The following NTM variants were observed in gnomAD, a reference collection of about 807,000 sequenced individuals.
NTM encodes the protein IgLON family member 2.
NTM carries 13 observed loss-of-function variants against 42.1 expected under a neutral mutation model. The ratio of observed to expected loss-of-function variants is 0.31; its 90% confidence interval spans 0.20 to 0.49. NTM has a LOEUF of 0.49. Among genes scored for constraint, NTM ranks in the 20% least tolerant of loss-of-function variants. The pLI is 0.99. For synonymous variants in NTM, 187 were observed against 179.2 expected, an observed-to-expected ratio of 1.04 and a Z score of -0.35; for missense variants, 373 against 452.8, an observed-to-expected ratio of 0.82 and a Z score of 1.60.
intron 4 of NTM, among the ~76,000 whole-genome samples, chr11:132,303,782 G>A (rs955271735): frequency 1.3e-5 from 2 of 151,526 alleles, no homozygotes; most frequent in African/African-American, 2.4e-5. Flanking sequence ...GAACTAGCAT[G>A]GCCTGGCAGG....
chr11:131,553,095 C>T (rs1296200892), intron 1 of NTM, among the ~76,000 whole-genome samples: 3 of 151,952 alleles, frequency 2.0e-5, no homozygotes, highest in Non-Finnish European at 2.9e-5. Flanking sequence ...AAGGAAAAAT[C>T]GAGGGCATGG....
At chr11:131,570,924 A>C (rs1487474671) in intron 1 of NTM, among the ~76,000 whole-genome samples, 1 of 152,214 alleles carries the variant, frequency 6.6e-6, no homozygotes, top group East Asian at 1.9e-4. Flanking sequence ...AGAATCATAC[A>C]CCCCTGGCTC....
chr11:131,489,120 G>T (rs1954497639), intron 1 of NTM, among the ~76,000 whole-genome samples: 1 of 152,096 alleles, frequency 6.6e-6, no homozygotes, highest in Non-Finnish European at 1.5e-5. Context: ...CTCTCCCCTT[G>T]GTTCCAAACA....
intron 1 of NTM, among the ~76,000 whole-genome samples, chr11:131,638,966 C>A (rs73592212): frequency 0.014 from 2,198 of 152,186 alleles, 40 homozygotes; most frequent in African/African-American, 0.05. Flanking sequence ...TATAAATAAA[C>A]CAATTCAATC....
intron 1 of NTM, among the ~76,000 whole-genome samples, chr11:131,571,147 G>T (rs1313053828): frequency 6.6e-6 from 1 of 152,232 alleles, no homozygotes; most frequent in Non-Finnish European, 1.5e-5. Flanking sequence ...TGGCATTGCT[G>T]TGAGAAGTGC....
intron 2 of NTM, among the ~76,000 whole-genome samples, chr11:131,914,910 G>A (rs1274254068): frequency 6.6e-6 from 1 of 152,156 alleles, no homozygotes; most frequent in Non-Finnish European, 1.5e-5. Context: ...ACAGCCCTAT[G>A]GTGTAGGAGT....
intron 4 of NTM, among the ~76,000 whole-genome samples, chr11:132,217,358 CTGTGTGTGTGTGTGTG>C (rs375759515): frequency 1.4e-5 from 2 of 142,640 alleles, no homozygotes; most frequent in African/African-American, 5.2e-5. Flanking sequence ...CTCTCTCTTT[CTGTGTGTGTGTGTGTG>C]TGTGTGTGTG....
intron 1 of NTM, among the ~76,000 whole-genome samples, chr11:131,580,867 G>A (rs1016861716): frequency 3.9e-5 from 6 of 152,248 alleles, no homozygotes; most frequent in East Asian, 3.9e-4. Context: ...TGTCATGCAC[G>A]GATCCCAGGA....
At chr11:131,589,115 G>A (rs1237474960) in intron 1 of NTM, among the ~76,000 whole-genome samples, 1 of 151,746 alleles carries the variant, frequency 6.6e-6, no homozygotes, top group African/African-American at 2.4e-5. Flanking sequence ...GTATTTAAGT[G>A]AGATTAACAC....
chr11:132,163,989 G>A (rs1328421321), intron 3 of NTM, among the ~76,000 whole-genome samples: 1 of 152,150 alleles, frequency 6.6e-6, no homozygotes, highest in African/African-American at 2.4e-5. Context: ...AAACTGAAGA[G>A]GTTAGCTGGC....
At chr11:131,462,825 G>A (rs1951520835) in intron 1 of NTM, among the ~76,000 whole-genome samples, 1 of 151,716 alleles carries the variant, frequency 6.6e-6, no homozygotes, top group Non-Finnish European at 1.5e-5. Flanking sequence ...CCCACCTAGG[G>A]TGGTCCACCA....
intron 1 of NTM, among the ~76,000 whole-genome samples, chr11:131,663,826 G>T (rs2134510557): frequency 6.6e-6 from 1 of 152,222 alleles, no homozygotes; most frequent in East Asian, 1.9e-4. Context: ...TATTTTCAAA[G>T]TAATTCTATG....
intron 1 of NTM, among the ~76,000 whole-genome samples, chr11:131,504,117 C>T (rs968746982): frequency 1.3e-5 from 2 of 152,160 alleles, no homozygotes; most frequent in African/African-American, 4.8e-5. Flanking sequence ...TTCCTCCAGG[C>T]CCCTGCTTCT....
chr11:131,940,306 A>G (rs1405885978), intron 2 of NTM, among the ~76,000 whole-genome samples: 1 of 152,316 alleles, frequency 6.6e-6, no homozygotes, highest in African/African-American at 2.4e-5. Flanking sequence ...TGGAATCACC[A>G]CAAAATATTA....
chr11:132,243,453 T>C (rs982022312), intron 4 of NTM, among the ~76,000 whole-genome samples: 3 of 152,188 alleles, frequency 2.0e-5, no homozygotes, highest in Non-Finnish European at 2.9e-5. Context: ...ACTCTTGCTC[T>C]GAATAATTCT....
chr11:132,126,059 C>T (rs1250009493), intron 2 of NTM, among the ~76,000 whole-genome samples: 1 of 152,042 alleles, frequency 6.6e-6, no homozygotes, highest in African/African-American at 2.4e-5. Flanking sequence ...CCAGGCGCCC[C>T]TGCGCGATGT....
chr11:131,776,309 G>A (rs1313966874), intron 1 of NTM, among the ~76,000 whole-genome samples: 1 of 152,140 alleles, frequency 6.6e-6, no homozygotes, highest in Admixed American at 6.5e-5. Context: ...CTTTTTGTGT[G>A]CAAACCAGCT....
intron 2 of NTM, among the ~76,000 whole-genome samples, chr11:132,041,525 A>C (rs1302209072): frequency 6.6e-6 from 1 of 152,198 alleles, no homozygotes; most frequent in East Asian, 1.9e-4. Flanking sequence ...TCTGGGCATT[A>C]ATGTGCTGAC....
chr11:132,178,210 T>C (rs2077086842), intron 3 of NTM, among the ~76,000 whole-genome samples: 1 of 152,188 alleles, frequency 6.6e-6, no homozygotes, highest in African/African-American at 2.4e-5. Context: ...GTCACAGAGA[T>C]AAACACATGG....
Sources: allele counts gnomAD v4.1 joint callset (sites outside exome capture counted in the v4.1 genomes callset), GRCh38; gene constraint gnomAD v4.1.1; transcripts MANE v1.5; gene names NCBI Gene and HGNC (gene_info 2026-07-23, HGNC 2026-07-21).